Variants in PODXL2 observed in about 807,000 individuals in gnomAD.
PODXL2 encodes the protein podocalyxin like 2.
Under a neutral mutation model 53.4 loss-of-function variants are expected in PODXL2, and 17 were observed. The ratio of observed to expected loss-of-function variants is 0.32; its 90% CI spans 0.22 to 0.48. PODXL2 has a LOEUF of 0.48. Among genes scored for constraint, PODXL2 ranks in the 20% least tolerant of loss-of-function variants. The probability of loss-of-function intolerance (pLI) is 0.99; values close to 1 mark genes in which losing one functional copy is unlikely to be tolerated. For missense variants in PODXL2, 673 were observed against 760.0 expected (o/e 0.89, Z 1.35); for synonymous variants, 311 against 306.7 (o/e 1.01, Z -0.15).
At chr3:127,641,602 C>T (rs1378117048) in intron 2 of PODXL2, among the ~76,000 whole-genome samples, 2 of 151,908 alleles carry the variant, frequency 1.3e-5, no homozygotes, top group African/African-American at 4.8e-5. Context: ...CAACCTCCGC[C>T]TCCCAGGTTC....
chr3:127,666,920 G>A (rs1227282248), intron 4 of PODXL2, among the ~76,000 whole-genome samples: 1 of 152,204 alleles, frequency 6.6e-6, no homozygotes. Context: ...CAGCACAGAG[G>A]GCAGGCACTT....
intron 2 of PODXL2, among the ~76,000 whole-genome samples, chr3:127,649,160 T>C (rs1245192056): frequency 2.0e-5 from 3 of 151,992 alleles, no homozygotes; most frequent in Admixed American, 1.3e-4. Flanking sequence ...AAATGGACAA[T>C]AGTGGACACT....
chr3:127,633,569 G>A (rs1458370438), intron 1 of PODXL2, among the ~76,000 whole-genome samples: 8 of 152,032 alleles, frequency 5.3e-5, no homozygotes, highest in Non-Finnish European at 1.2e-4. Context: ...CCAGGCCTCA[G>A]TTATTTCATT....
At chr3:127,634,952 G>A (rs2074567968) in intron 1 of PODXL2, among the ~76,000 whole-genome samples, 2 of 152,086 alleles carry the variant, frequency 1.3e-5, no homozygotes, top group South Asian at 2.1e-4. Flanking sequence ...TTCTTCCAGC[G>A]GTGAAGCACT....
At chr3:127,646,338 T>G (rs992399070) in intron 2 of PODXL2, among the ~76,000 whole-genome samples, 1 of 152,076 alleles carries the variant, frequency 6.6e-6, no homozygotes, top group African/African-American at 2.4e-5. Context: ...TGCTGGAGAC[T>G]AGCACTAATG....
intron 1 of PODXL2, among the ~76,000 whole-genome samples, chr3:127,635,439 G>T (rs1325858693): frequency 6.6e-6 from 1 of 152,134 alleles, no homozygotes; most frequent in African/African-American, 2.4e-5. Context: ...AAGGCTTTTT[G>T]GTTGAAGAAT....
intron 2 of PODXL2, among the ~76,000 whole-genome samples, chr3:127,653,836 G>T (rs2074704844): frequency 6.6e-6 from 1 of 152,186 alleles, no homozygotes; most frequent in Non-Finnish European, 1.5e-5. Context: ...TACATGTATG[G>T]ATATGGAGAT....
intron 2 of PODXL2, among the ~76,000 whole-genome samples, chr3:127,644,856 G>C (rs534932112): frequency 1.3e-5 from 2 of 152,166 alleles, no homozygotes; most frequent in South Asian, 4.2e-4. Flanking sequence ...GAGGTGCAGG[G>C]AGGAGGCCAG....
chr3:127,645,379 C>G (rs1334367645), intron 2 of PODXL2, among the ~76,000 whole-genome samples: 1 of 152,246 alleles, frequency 6.6e-6, no homozygotes, highest in East Asian at 1.9e-4. Flanking sequence ...AAGCTCTTCT[C>G]CATCCTGATG....
chr3:127,661,924 T>C (rs1054695586), intron 3 of PODXL2, among the ~76,000 whole-genome samples: 5 of 150,452 alleles, frequency 3.3e-5, no homozygotes, highest in Admixed American at 3.3e-4. Context: ...AACAATAAAC[T>C]TGCCCTTGAA....
intron 2 of PODXL2, among the ~76,000 whole-genome samples, chr3:127,643,583 A>G (rs971133182): frequency 6.6e-6 from 1 of 152,030 alleles, no homozygotes; most frequent in Non-Finnish European, 1.5e-5. Context: ...TGCCCTTGAG[A>G]TACATGCACC....
At chr3:127,647,905 G>A (rs1472795756) in intron 2 of PODXL2, among the ~76,000 whole-genome samples, 3 of 152,334 alleles carry the variant, frequency 2.0e-5, no homozygotes, top group Admixed American at 6.5e-5. Context: ...ACCAAAAAGA[G>A]AGGAGGAATG....
intron 7 of PODXL2, 58 bp from the exon 8 acceptor site, chr3:127,672,210 C>T: frequency 2.8e-6 from 4 of 1,443,180 alleles, no homozygotes; most frequent in Non-Finnish European, 3.8e-6. Flanking sequence ...CGGCCGCGGG[C>T]CTGGCGCTGT....
intron 4 of PODXL2, among the ~76,000 whole-genome samples, chr3:127,666,581 T>G (rs2074795998): frequency 6.6e-6 from 1 of 152,160 alleles, no homozygotes; most frequent in Non-Finnish European, 1.5e-5. Flanking sequence ...TTAATTTTTT[T>G]GCATTTTTTG....
At chr3:127,655,989 C>T (rs933409357) in intron 2 of PODXL2, among the ~76,000 whole-genome samples, 2 of 152,218 alleles carry the variant, frequency 1.3e-5, no homozygotes, top group South Asian at 2.1e-4. Context: ...CCTCTTACCC[C>T]TTGGAGGCAC....
intron 2 of PODXL2, among the ~76,000 whole-genome samples, chr3:127,646,852 G>T (rs1314620408): frequency 6.6e-6 from 1 of 152,184 alleles, no homozygotes; most frequent in Non-Finnish European, 1.5e-5. Context: ...TCTGGAGTCG[G>T]TATCCCTGAG....
At chr3:127,664,287 A>G (rs2107544236) in intron 4 of PODXL2, among the ~76,000 whole-genome samples, 1 of 151,840 alleles carries the variant, frequency 6.6e-6, no homozygotes, top group Middle Eastern at 3.4e-3. Context: ...ACTCAGCATA[A>G]TGTCCTCAGG....
At chr3:127,645,095 T>G (rs2074644937) in intron 2 of PODXL2, among the ~76,000 whole-genome samples, 1 of 152,384 alleles carries the variant, frequency 6.6e-6, no homozygotes, top group Non-Finnish European at 1.5e-5. Context: ...CTTATTAGCA[T>G]GGCAGAAAAT....
Position 127,672,265 on chromosome 3 carries a change from CAGTCGCACGGCG to C in PODXL2, c.1606_1617del (p.Ser536_Glu539del). The C allele has an allele frequency of 6.5e-7, 1 of 1,542,766 alleles. No individual in the cohort carries two copies. The highest frequency in any genetic ancestry group is 2.4e-5 in the East Asian group (1 of 40,910). Reference sequence around the variant, plus strand: ...CCCATGGCCTCTCCCCACCCCGCCTCAGTCGCACGGCGAGGAGCTGCGCTTCGTGGAGAACGG... The same window carrying C: ...CCCATGGCCTCTCCCCACCCCGCCTCAGGAGCTGCGCTTCGTGGAGAACGG... On this transcript the variant is annotated splice_acceptor_variant and coding_sequence_variant, in exon 8 of 8. Coordinates refer to ENST00000342480, the MANE Select transcript of PODXL2 (RefSeq NM_015720.4). LOFTEE classifies it high-confidence loss of function.
Sources: gnomAD v4.1 joint callset for allele counts (sites outside exome capture counted in the v4.1 genomes callset) on GRCh38, gnomAD v4.1.1 for gene constraint, MANE v1.5 for transcripts, NCBI Gene and HGNC (gene_info 2026-07-23, HGNC 2026-07-21) for gene names.